The following DYRK1B variants were observed in gnomAD, a reference collection of about 807,000 sequenced individuals.
DYRK1B encodes the protein dual specificity tyrosine-phosphorylation-regulated kinase 1B.
In DYRK1B, 20 loss-of-function variants were observed where a neutral mutation model predicts 57.1. That is an observed-to-expected ratio of 0.35 (90% CI 0.25 to 0.51). The LOEUF (loss-of-function observed/expected upper bound fraction) is 0.51. Ranked by LOEUF, DYRK1B falls within the 20% of genes least tolerant of loss-of-function variation. The probability of loss-of-function intolerance (pLI) is 0.96; values close to 1 mark genes in which losing one functional copy is unlikely to be tolerated. For synonymous variants in DYRK1B, 409 were observed against 384.7 expected, an observed-to-expected ratio of 1.06 and a Z score of -0.74; for missense variants, 732 against 886.3, an observed-to-expected ratio of 0.83 and a Z score of 2.21.
intron 5 of DYRK1B, 195 bp downstream of exon 5, chr19:39,829,685 T>C: frequency 1.6e-6 from 1 of 632,632 alleles, no homozygotes. Context: ...CAGTAACCTC[T>C]GACCATTACC....
Position 39,831,829 on chromosome 19 carries a change from G to A in DYRK1B, c.39C>T (p.Phe13=). ...CCTGCGTGTGCTCCTGGGGCCCTGG[G>A]AAGCCAGAGAAGGGACCATGGCCCG... ...VPPGHGPFSG[F]PGPQEHTQVL... The change falls in exon 2 of 11, where the codon TTC becomes TTT. Residue 13 remains phenylalanine (F), a synonymous_variant. Coordinates refer to ENST00000323039, the MANE Select transcript of DYRK1B (RefSeq NM_004714.3). The A allele has an allele frequency of 6.5e-7, 1 of 1,542,340 alleles. No homozygotes were observed. The highest frequency in any genetic ancestry group is 8.7e-7 in the Non-Finnish European group (1 of 1,142,904).
intron 1 of DYRK1B, among the ~76,000 whole-genome samples, chr19:39,832,674 G>A (rs1968872634): frequency 6.6e-6 from 1 of 152,088 alleles, no homozygotes; most frequent in African/African-American, 2.4e-5. Flanking sequence ...ACCAGGGCAC[G>A]ATTTTCCTAG....
At position 39,829,890 on chromosome 19, in the gene DYRK1B, C is replaced by G; in HGVS notation, c.510G>C (p.Lys170Asn). ...AGTCCCAGGCCTCACCTATATAGTA[C>G]TTCATCTCCGTGTCATGCTGGTTCA... Reference protein sequence around the residue: ...ELMNQHDTEMKYYIVHLKRHF... With the variant: ...ELMNQHDTEMNYYIVHLKRHF... Residue 170 changes from lysine (K) to asparagine (N), a missense_variant, in exon 5 of 11, where the codon AAG becomes AAC. This residue lies in a region of DYRK1B where 510 missense variants were observed against 681.3 expected (regional missense o/e 0.75). Transcript: ENST00000323039. 1 of 1,613,626 alleles carries G rather than the reference C, an allele frequency of 6.2e-7. No homozygotes were observed. The highest frequency in any genetic ancestry group is 8.5e-7 in the Non-Finnish European group (1 of 1,180,008).
At position 39,825,899 on chromosome 19, in the gene DYRK1B, A is replaced by AC; in HGVS notation, c.1705dup (p.Val569GlyfsTer6). 3.2e-6 allele frequency: 5 copies of AC among 1,574,484 alleles called. No individual in the cohort carries two copies. The highest frequency in any genetic ancestry group is 4.3e-6 in the Non-Finnish European group (5 of 1,161,536). On this transcript the variant is annotated frameshift_variant, in exon 11 of 11. Coordinates refer to ENST00000323039, the MANE Select transcript of DYRK1B (RefSeq NM_004714.3). LOFTEE classifies it high-confidence loss of function. The stretch of plus-strand genomic sequence containing the variant: ...TGGGGAGCAGTCAGCAGGGCCGCCC[A>AC]CCAGGCTCACATCCATCAGCTCCGG...
Position 39,828,492 on chromosome 19 carries a change from G to A in DYRK1B, c.612C>T (p.Thr204=), listed in dbSNP as rs773323978. 5.6e-6 allele frequency: 9 copies of A among 1,613,738 alleles called. No homozygotes were observed. The South Asian group carries it at 9.9e-5, about 18-fold the overall frequency. The change falls in exon 6 of 11, where the codon ACC becomes ACT. Residue 204 remains threonine, a synonymous_variant. Coordinates refer to ENST00000323039, the MANE Select transcript of DYRK1B (RefSeq NM_004714.3). The surrounding 1 kb of genome is among the most constrained non-coding windows in gnomAD (Gnocchi z 4.3). ...GGTTCAGCGAGACGCCGCGGAAGTGGGTGTTGCGCAGGAGGTCGTACAGGT... is the reference window on the plus strand; with the variant it reads ...GGTTCAGCGAGACGCCGCGGAAGTGAGTGTTGCGCAGGAGGTCGTACAGGT... The part of the protein sequence containing the change: ...SYNLYDLLRN[T]HFRGVSLNLT...
intron 2 of DYRK1B, 65 bp from the exon 3 acceptor site, chr19:39,830,848 A>G (rs1285756279): frequency 1.3e-6 from 2 of 1,535,736 alleles, no homozygotes; most frequent in Non-Finnish European, 1.8e-6. Context: ...AAGAGGAAGA[A>G]CTGTAAGGGC....
At chr19:39,827,124 G>A in intron 8 of DYRK1B, 137 bp from the exon 9 acceptor site, 1 of 1,146,900 alleles carries the variant, frequency 8.7e-7, no homozygotes, top group Non-Finnish European at 1.2e-6. Context: ...GGGGTGGGAA[G>A]GAGAGATGGG....
Position 39,827,505 on chromosome 19 carries a change from C to G in DYRK1B, c.954+5G>C, listed in dbSNP as rs1241562061. The G allele has an allele frequency of 1.9e-6, 3 of 1,613,194 alleles. No homozygotes were observed. The Admixed American group carries it at 5.0e-5, about 27-fold the overall frequency. On this transcript the variant is annotated splice_donor_5th_base_variant and intron_variant, in intron 7 of 10. Transcript: ENST00000323039. The stretch of plus-strand genomic sequence containing the variant: ...CCTCCAGCACACCCCTTCCTGGGGG[C>G]ACACCTCATTGGAGCCACTGAAGAG...
chr19:39,830,195 TAA>T lies in DYRK1B; in HGVS notation c.373-170_373-169del. The stretch of plus-strand genomic sequence containing the variant: ...TGTAAACACTGGATGTGAAATAACA[TAA>T]CGACCTTATGTTGAGTCTTGTTATT... On this transcript the variant is annotated intron_variant, in intron 4 of 10. Coordinates refer to ENST00000323039, the MANE Select transcript of DYRK1B (RefSeq NM_004714.3). 2.6e-6 allele frequency: 3 copies of T among 1,140,890 alleles called. 1 individual carries two copies. The allele number at this position is 1,140,890 out of a possible 1,614,324, so 70.7% of individuals were successfully genotyped here.
Position 39,826,556 on chromosome 19 carries a change from A to C in DYRK1B, c.1411+116T>G. The C allele has an allele frequency of 8.5e-7, 1 of 1,179,254 alleles. No individual in the cohort carries two copies. Among genetic ancestry groups the C allele is most frequent in the African/African-American group, 1.6e-5 (1 of 62,266 alleles). 73.0% of individuals were successfully genotyped at this position (1,179,254 alleles called of 1,614,324 possible). A position where few individuals can be genotyped will look rare whatever the true frequency, so the allele number is the denominator to read the frequency against. ...TCTCCCATCCCACACGTCATCTTACAGTTCAGGATCAGTTTCGGCGCTTTG... is the reference window on the plus strand; with the variant it reads ...TCTCCCATCCCACACGTCATCTTACCGTTCAGGATCAGTTTCGGCGCTTTG... On this transcript the variant is annotated intron_variant, in intron 9 of 10. Coordinates refer to ENST00000323039, the MANE Select transcript of DYRK1B (RefSeq NM_004714.3). This position sits in a 1 kb window ranked among gnomAD's most constrained non-coding sequence, Gnocchi z 6.3.
intron 8 of DYRK1B, 67 bp from the exon 9 acceptor site, chr19:39,827,054 C>T: frequency 7.7e-7 from 1 of 1,293,040 alleles, no homozygotes; most frequent in Admixed American, 3.0e-5. Context: ...GGCAGGGAGA[C>T]ACACACGGGG....
chr19:39,831,713 T>C, intron 2 of DYRK1B, 92 bp downstream of exon 2: 1 of 1,473,018 alleles, frequency 6.8e-7, no homozygotes, highest in Non-Finnish European at 9.3e-7. Flanking sequence ...GAAGAATGTC[T>C]TGGGCAACCA....
intron 2 of DYRK1B, 135 bp from the exon 3 acceptor site, chr19:39,830,918 A>G: frequency 9.3e-7 from 1 of 1,078,502 alleles, no homozygotes; most frequent in Admixed American, 2.9e-5. Context: ...TAGGAAAGAA[A>G]CTCCCCCAGG....
chr19:39,832,256 A>T (rs1968855126), intron 1 of DYRK1B, among the ~76,000 whole-genome samples: 1 of 152,146 alleles, frequency 6.6e-6, no homozygotes, highest in African/African-American at 2.4e-5. Flanking sequence ...GATATGAGCC[A>T]TCACAGGGAA....
intron 2 of DYRK1B, 75 bp from the exon 3 acceptor site, chr19:39,830,858 C>T: frequency 1.3e-6 from 2 of 1,501,526 alleles, no homozygotes; most frequent in Non-Finnish European, 8.9e-7. Flanking sequence ...ACTGTAAGGG[C>T]TGCTGGCACA....
rs1046714119 is a variant in DYRK1B, at chr19:39,831,799, G to A, written c.63+6C>T. ...CACGCAGGTGAGGAGCCAGCTGAAC[G>A]CGTACCTGCGTGTGCTCCTGGGGCC... On this transcript the variant is annotated splice_donor_region_variant and intron_variant, in intron 2 of 10. Coordinates refer to ENST00000323039, the MANE Select transcript of DYRK1B (RefSeq NM_004714.3). The A allele has an allele frequency of 7.3e-5, 113 of 1,548,538 alleles. No homozygotes were observed. Among genetic ancestry groups the A allele is most frequent in the Non-Finnish European group, 8.7e-5 (100 of 1,146,528 alleles).
Position 39,829,974 on chromosome 19 carries a change from G to T in DYRK1B, c.426C>A (p.Ile142=). 6.2e-7 allele frequency: 1 copy of T among 1,614,094 alleles called. No homozygotes were observed. Among genetic ancestry groups the T allele is most frequent in the Non-Finnish European group, 8.5e-7 (1 of 1,180,018 alleles). The change falls in exon 5 of 11, where the codon ATC becomes ATA. Residue 142 remains isoleucine (I), a synonymous_variant. Transcript: ENST00000323039. Reference sequence around the variant, plus strand: ...GGTTCAGGAAAGCCTTTTTGTTCTTGATGATCTTGATGGCCACAAGCTCCT... The same window carrying T: ...GGTTCAGGAAAGCCTTTTTGTTCTTTATGATCTTGATGGCCACAAGCTCCT... ...QTQELVAIKI[I]KNKKAFLNQA...
rs1382236185 is a variant in DYRK1B at position 39,830,501 on chromosome 19, C to G, written c.246G>C (p.Lys82Asn). 1.9e-6 allele frequency: 3 copies of G among 1,614,100 alleles called. No individual in the cohort carries two copies. Among genetic ancestry groups the G allele is most frequent in the African/African-American group, 2.7e-5 (2 of 74,938 alleles). ...QQAPPQDSSN[K>N]KEKKVLNHGY... ...CATGGTTCAGGACCTTCTTCTCCTT[C>G]TTGTTGCTCGAATCCTGGGGTGGCG... Residue 82 changes from lysine (K) to asparagine (N), a missense_variant, in exon 4 of 11, where the codon AAG (lysine) becomes AAC (asparagine). Lys to Asn is a moderately conservative substitution (Grantham distance 94, BLOSUM62 0). Around this residue, in one of 2 missense-constraint regions of DYRK1B, gnomAD observed 510 missense variants for 681.3 expected, o/e 0.75. Coordinates refer to ENST00000323039, the MANE Select transcript of DYRK1B (RefSeq NM_004714.3).
rs779964031 is a variant in DYRK1B, at chr19:39,826,278, T to C, written c.1420A>G (p.Ser474Gly). The C allele has an allele frequency of 6.3e-7, 1 of 1,577,358 alleles. No individual in the cohort carries two copies. Among genetic ancestry groups the C allele is most frequent in the Non-Finnish European group, 8.6e-7 (1 of 1,166,126 alleles). Residue 474 changes from serine (S) to glycine (G), a missense_variant, in exon 10 of 11, where the codon AGT becomes GGT. Transcript: ENST00000323039. The surrounding 1 kb of genome is among the most constrained non-coding windows in gnomAD (Gnocchi z 6.3). ...ASSISSSGGS[S>G]GSSSDNRTYR... ...GTCCGGTTGTCACTGGAGGAGCCAC[T>C]GGAGCCTCCTGGAAGTGCCAGGGAG...
Sources: gnomAD v4.1 joint callset for allele counts (sites outside exome capture counted in the v4.1 genomes callset) on GRCh38, gnomAD v4.1.1 for gene constraint, gnomAD v4.1.1 regional missense constraint, Gnocchi (gnomAD v3.1) non-coding constraint, MANE v1.5 for transcripts, NCBI Gene and HGNC (gene_info 2026-07-23, HGNC 2026-07-21) for gene names.